MTMR7: variants seen among roughly 807,000 people sequenced by gnomAD.
MTMR7 encodes myotubularin related protein 7.
A neutral mutation model predicts 81.2 loss-of-function variants in MTMR7; 76 were observed. The ratio of observed to expected loss-of-function variants is 0.94; its 90% confidence interval spans 0.78 to 1.13. MTMR7 has a LOEUF of 1.13. MTMR7 is among the 50% of genes most tolerant of loss of function. The pLI, the probability that MTMR7 is intolerant of heterozygous loss-of-function variation, is 0.00. For synonymous variants in MTMR7, 372 were observed against 289.8 expected, an observed-to-expected ratio of 1.28 and a Z score of -2.88; for missense variants, 1,044 against 820.0, an observed-to-expected ratio of 1.27 and a Z score of -3.34.
chr8:17,385,371 G>T (rs907492240), intron 1 of MTMR7, among the ~76,000 whole-genome samples: 3 of 152,156 alleles, frequency 2.0e-5, no homozygotes, highest in African/African-American at 7.2e-5. Flanking sequence ...GAGGGACCTG[G>T]TGGGAGGTAA....
At chr8:17,349,214 T>G (rs994927647) in intron 4 of MTMR7, 133 bp from the exon 5 acceptor site, 45 of 1,120,018 alleles carry the variant, frequency 4.0e-5, no homozygotes, top group Admixed American at 7.0e-5. Flanking sequence ...AGGAGGCTAT[T>G]TCGAGGAAAC....
intron 1 of MTMR7, among the ~76,000 whole-genome samples, chr8:17,401,751 G>C (rs536091097): frequency 3.5e-4 from 53 of 152,296 alleles, no homozygotes; most frequent in Non-Finnish European, 6.3e-4. Context: ...AGCACTGGAA[G>C]GGTGAAATGC....
intron 5 of MTMR7, among the ~76,000 whole-genome samples, chr8:17,348,066 G>A (rs1376497893): frequency 6.6e-6 from 1 of 152,006 alleles, no homozygotes; most frequent in Admixed American, 6.6e-5. Context: ...TGCGCACCCT[G>A]GTAATTTTAC....
At chr8:17,360,345 G>A (rs1393488422) in intron 4 of MTMR7, among the ~76,000 whole-genome samples, 1 of 151,930 alleles carries the variant, frequency 6.6e-6, no homozygotes, top group Non-Finnish European at 1.5e-5. Flanking sequence ...TTTGCTCTAT[G>A]TTTTCCAATT....
chr8:17,361,372 G>T, intron 3 of MTMR7, 98 bp from the exon 4 acceptor site: 1 of 1,365,678 alleles, frequency 7.3e-7, no homozygotes, highest in Non-Finnish European at 1.0e-6. Flanking sequence ...GCCCAGAGAG[G>T]CCATCCCAAC....
At chr8:17,376,469 G>A (rs1286444231) in intron 1 of MTMR7, among the ~76,000 whole-genome samples, 1 of 152,080 alleles carries the variant, frequency 6.6e-6, no homozygotes, top group East Asian at 1.9e-4. Flanking sequence ...AGAATTGCTG[G>A]GTCATTTGGT....
intron 10 of MTMR7, among the ~76,000 whole-genome samples, chr8:17,308,011 C>T (rs1211935145): frequency 6.6e-6 from 1 of 151,532 alleles, no homozygotes; most frequent in Non-Finnish European, 1.5e-5. Flanking sequence ...ACGTTGTGCA[C>T]ATGTACCCTA....
chr8:17,313,426 A>G, intron 7 of MTMR7, 25 bp from the exon 8 acceptor site: 3 of 1,453,064 alleles, frequency 2.1e-6, no homozygotes, highest in Admixed American at 1.8e-5. Context: ...ATGTTATAAA[A>G]GCAAAATTAA....
At chr8:17,336,906 G>T (rs1394854891) in intron 6 of MTMR7, among the ~76,000 whole-genome samples, 3 of 152,184 alleles carry the variant, frequency 2.0e-5, no homozygotes, top group African/African-American at 7.2e-5. Flanking sequence ...TGGTCAAACG[G>T]AGCGAGTGTG....
At chr8:17,380,567 G>A (rs1820727402) in intron 1 of MTMR7, among the ~76,000 whole-genome samples, 1 of 47,308 alleles carries the variant, frequency 2.1e-5, no homozygotes, top group Non-Finnish European at 5.3e-5. Context: ...AACAGCTGAT[G>A]AGCTTAAAAA....
rs765840655 is a variant in MTMR7 at position 17,371,205 on chromosome 8, A to G, written c.148-6T>C. On this transcript the variant is annotated splice_polypyrimidine_tract_variant and splice_region_variant and intron_variant, in intron 2 of 13. Coordinates refer to ENST00000180173, the MANE Select transcript of MTMR7 (RefSeq NM_004686.5). ...GAAATCTGACTGTGAAGAATCTAGA[A>G]CCAAATGTTAATGTGCATAAGCTAA... 17 of 1,613,664 alleles carry G rather than the reference A, an allele frequency of 1.1e-5. No homozygotes were observed. The highest frequency in any genetic ancestry group is 1.4e-5 in the Non-Finnish European group (17 of 1,179,794).
chr8:17,407,066 C>G (rs1404807758), intron 1 of MTMR7, among the ~76,000 whole-genome samples: 1 of 151,652 alleles, frequency 6.6e-6, no homozygotes, highest in Non-Finnish European at 1.5e-5. Context: ...GTGAATATAC[C>G]AAAAAATCAC....
intron 7 of MTMR7, among the ~76,000 whole-genome samples, chr8:17,317,127 T>C (rs539944739): frequency 4.6e-5 from 7 of 152,348 alleles, no homozygotes; most frequent in African/African-American, 1.7e-4. Flanking sequence ...TGCTTGCTTA[T>C]ATGTGTGTGT....
chr8:17,321,883 A>C (rs2051660), intron 7 of MTMR7, among the ~76,000 whole-genome samples: 80,618 of 152,054 alleles, frequency 0.53, 22,250 homozygotes, highest in East Asian at 0.79. Flanking sequence ...GCAAAGACAA[A>C]AGATATAATT....
intron 5 of MTMR7, among the ~76,000 whole-genome samples, chr8:17,344,135 C>T (rs956533876): frequency 1.3e-5 from 2 of 152,084 alleles, no homozygotes; most frequent in African/African-American, 4.8e-5. Flanking sequence ...TTATTGGCTC[C>T]ACTTGATACA....
chr8:17,383,090 TGTGGAAGGTCCC>T (rs1342581023), intron 1 of MTMR7, among the ~76,000 whole-genome samples: 2 of 149,364 alleles, frequency 1.3e-5, no homozygotes, highest in Non-Finnish European at 3.0e-5. Context: ...ACCTGGGGGG[TGTGGAAGGTCCC>T]AGGGAAGGGA....
At chr8:17,382,365 T>C (rs571728787) in intron 1 of MTMR7, among the ~76,000 whole-genome samples, 202 of 152,262 alleles carry the variant, frequency 1.3e-3, no homozygotes, top group African/African-American at 4.6e-3. Context: ...TCTCGAGCTC[T>C]TCTTCTTTTT....
At chr8:17,345,167 G>A (rs564928161) in intron 5 of MTMR7, among the ~76,000 whole-genome samples, 127 of 152,338 alleles carry the variant, frequency 8.3e-4, no homozygotes, top group Non-Finnish European at 1.5e-3. Context: ...AATATTATGT[G>A]TTGCTTCGAC....
In MTMR7 at chr8:17,342,667, A is replaced by T. The variant is rs1819438613; in HGVS notation, c.598-1170T>A. 2.0e-5 allele frequency among the ~76,000 whole-genome samples: 3 copies of T among 152,158 alleles called. 1 individual carries two copies. The South Asian group carries it at 6.2e-4, about 31-fold the overall frequency. On this transcript the variant is annotated intron_variant, in intron 5 of 13. Transcript: ENST00000180173. ...GAACCACAGAATGGCTGGACATATT[A>T]CAGGGGCCATTGTCTGAGGGCGCCA... is the stretch of plus-strand genomic sequence containing the variant.
Sources: allele counts gnomAD v4.1 joint callset (sites outside exome capture counted in the v4.1 genomes callset), GRCh38; gene constraint gnomAD v4.1.1; transcripts MANE v1.5; gene names NCBI Gene and HGNC (gene_info 2026-07-23, HGNC 2026-07-21).